NFATC2: variants seen among roughly 807,000 people sequenced by gnomAD.
NFATC2 encodes the protein nuclear factor of activated T cells 2, also known as nuclear factor of activated T-cells, cytoplasmic 2.
A neutral mutation model predicts 87.3 loss-of-function variants in NFATC2; 22 were observed. The observed-to-expected ratio is 0.25, with a 90% CI of 0.18 to 0.36. The LOEUF (loss-of-function observed/expected upper bound fraction) is 0.36. NFATC2 is among the 10% of genes least tolerant of loss of function. The pLI, the probability that NFATC2 is intolerant of heterozygous loss-of-function variation, is 1.00. For synonymous variants in NFATC2, 565 were observed against 542.2 expected, an observed-to-expected ratio of 1.04 and a Z score of -0.58; for missense variants, 1,149 against 1,259.1, an observed-to-expected ratio of 0.91 and a Z score of 1.32.
chr20:51,456,455 G>A (rs1986548394), intron 5 of NFATC2, among the ~76,000 whole-genome samples: 1 of 152,210 alleles, frequency 6.6e-6, no homozygotes, highest in African/African-American at 2.4e-5. Flanking sequence ...TCCAGCTCCA[G>A]CGCCCAATCT....
chr20:51,549,024 T>C (rs1044929957), intron 1 of NFATC2, among the ~76,000 whole-genome samples: 4 of 152,130 alleles, frequency 2.6e-5, no homozygotes, highest in Admixed American at 2.6e-4. Flanking sequence ...CCTGGTACAG[T>C]GGTGCACACC....
intron 5 of NFATC2, among the ~76,000 whole-genome samples, chr20:51,466,528 C>T (rs567363755): frequency 1.3e-5 from 2 of 151,794 alleles, no homozygotes; most frequent in South Asian, 4.2e-4. Context: ...TCAGAAATAG[C>T]TGAATTTCCA....
intron 3 of NFATC2, among the ~76,000 whole-genome samples, chr20:51,488,402 C>A (rs1263778319): frequency 6.6e-6 from 1 of 152,154 alleles, no homozygotes; most frequent in Non-Finnish European, 1.5e-5. Flanking sequence ...ATAAGTCTTT[C>A]TTGTCGGGGG....
intron 3 of NFATC2, among the ~76,000 whole-genome samples, chr20:51,481,715 A>G (rs6123038): frequency 0.87 from 132,869 of 152,036 alleles, 58,139 homozygotes; most frequent in East Asian, 0.94. Context: ...TGGGGGCATC[A>G]TTCTATTAAT....
chr20:51,534,254 AG>A (rs2076683586), intron 1 of NFATC2, among the ~76,000 whole-genome samples: 1 of 44,172 alleles, frequency 2.3e-5, no homozygotes, highest in Non-Finnish European at 4.5e-5. Context: ...AGCGGGGGCC[AG>A]GGGGAGGGGC....
intron 9 of NFATC2, among the ~76,000 whole-genome samples, chr20:51,424,472 A>G (rs1981462696): frequency 6.6e-6 from 1 of 152,206 alleles, no homozygotes; most frequent in South Asian, 2.1e-4. Flanking sequence ...GGTACTGGGC[A>G]AAGAGCTTTA....
At chr20:51,461,513 G>A (rs1987145103) in intron 5 of NFATC2, among the ~76,000 whole-genome samples, 1 of 152,172 alleles carries the variant, frequency 6.6e-6, no homozygotes, top group Non-Finnish European at 1.5e-5. Context: ...GGCTTGGGGG[G>A]GCTCTTGTAT....
At chr20:51,547,383 C>T (rs1192624870), upstream of NFATC2, among the ~76,000 whole-genome samples, 2 of 152,138 alleles carry the variant, frequency 1.3e-5, no homozygotes, top group Non-Finnish European at 2.9e-5. Context: ...TTTGGGTCCA[C>T]CTGGATAGAA....
At position 51,435,277 on chromosome 20, in the gene NFATC2, T is replaced by C. The variant is rs373087406; in HGVS notation, c.1943A>G (p.Lys648Arg). Residue 648 changes from lysine (K) to arginine (R), a missense_variant, in exon 8 of 11, where the codon AAG becomes AGG. Physicochemically the swap from Lys to Arg is conservative, Grantham distance 26. This residue lies in a region of NFATC2 where 581 missense variants were observed against 649.7 expected (regional missense o/e 0.89). Transcript: ENST00000371564. ...LFVEIPEYRN[K>R]HIRTPVKVNF... ...CACTTTTACAGGTGTGCGGATATGCTTGTTCCGATATTCAGGGATCTCAAC... is the reference window on the plus strand; with the variant it reads ...CACTTTTACAGGTGTGCGGATATGCCTGTTCCGATATTCAGGGATCTCAAC... 2.9e-5 allele frequency: 47 copies of C among 1,614,084 alleles called. No homozygotes were observed. The highest frequency in any genetic ancestry group is 3.5e-5 in the Non-Finnish European group (41 of 1,180,048).
intron 10 of NFATC2, among the ~76,000 whole-genome samples, chr20:51,393,299 A>G (rs987111837): frequency 2.0e-5 from 3 of 152,028 alleles, no homozygotes; most frequent in Admixed American, 6.6e-5. Context: ...TCATCTGTAA[A>G]TTGCATCTAA....
At chr20:51,399,495 G>A (rs6096405) in intron 9 of NFATC2, among the ~76,000 whole-genome samples, 5 of 150,938 alleles carry the variant, frequency 3.3e-5, no homozygotes, top group Non-Finnish European at 7.4e-5. Flanking sequence ...AAGTAAACTA[G>A]GATGCTTTTT....
At chr20:51,550,953 C>G (rs1180718525) in intron 1 of NFATC2, among the ~76,000 whole-genome samples, 2 of 152,166 alleles carry the variant, frequency 1.3e-5, no homozygotes, top group East Asian at 1.9e-4. Flanking sequence ...TCATCATGAA[C>G]TCCATGTCCT....
At chr20:51,477,684 C>T (rs1219412077) in intron 3 of NFATC2, among the ~76,000 whole-genome samples, 2 of 150,604 alleles carry the variant, frequency 1.3e-5, no homozygotes, top group South Asian at 4.2e-4. Context: ...TCTTTCTGTG[C>T]CTCTATTCCT....
intron 5 of NFATC2, among the ~76,000 whole-genome samples, chr20:51,470,244 C>T (rs1216770735): frequency 6.6e-6 from 1 of 152,038 alleles, no homozygotes; most frequent in Non-Finnish European, 1.5e-5. Context: ...CATTCAGAGG[C>T]TGGGAGACTG....
intron 3 of NFATC2, among the ~76,000 whole-genome samples, chr20:51,477,576 T>TATATATAA (rs1555803322): frequency 8.1e-4 from 60 of 73,850 alleles, no homozygotes; most frequent in Non-Finnish European, 1.0e-3. Flanking sequence ...TATATATATA[T>TATATATAA]ATATAAAATA....
At position 51,398,959 on chromosome 20, in the gene NFATC2, A is replaced by T. The variant is rs2426296; in HGVS notation, c.2723-229T>A. 3.1e-3 allele frequency: 1,464 copies of T among 477,310 alleles called. 5 individuals are homozygous for T. The highest frequency in any genetic ancestry group is 4.5e-3 in the Non-Finnish European group (1,184 of 264,688). 29.6% of individuals were successfully genotyped at this position (477,310 alleles called of 1,614,324 possible). A position where few individuals can be genotyped will look rare whatever the true frequency, so the allele number is the denominator to read the frequency against. On this transcript the variant is annotated intron_variant, in intron 9 of 10. Transcript: ENST00000371564. Reference sequence around the variant, plus strand: ...GACTCTGTGCAAAGTGCATTACATTATGTGGGGTGTGGGATCAGGGGAGCG... The same window carrying T: ...GACTCTGTGCAAAGTGCATTACATTTTGTGGGGTGTGGGATCAGGGGAGCG...
intron 3 of NFATC2, among the ~76,000 whole-genome samples, chr20:51,490,122 C>A (rs2075857337): frequency 6.6e-6 from 1 of 152,182 alleles, no homozygotes; most frequent in African/African-American, 2.4e-5. Flanking sequence ...TATAATTAAT[C>A]ATAATAACAA....
intron 3 of NFATC2, among the ~76,000 whole-genome samples, chr20:51,483,150 T>G (rs1282418820): frequency 6.6e-6 from 1 of 152,138 alleles, no homozygotes; most frequent in Non-Finnish European, 1.5e-5. Context: ...GGTTCCCAAC[T>G]TTCCCCCATT....
Position 51,526,337 on chromosome 20 carries a change from C to A in NFATC2, c.131-2227G>T, listed in dbSNP as rs530413149. Reference sequence around the variant, plus strand: ...ATTGACACAGGGTGAACAAAGCAAGCTACAGCTTGCTCCTATACTACAACA... The same window carrying A: ...ATTGACACAGGGTGAACAAAGCAAGATACAGCTTGCTCCTATACTACAACA... On this transcript the variant is annotated intron_variant, in intron 1 of 10. Transcript: ENST00000371564. 2.0e-5 allele frequency among the ~76,000 whole-genome samples: 3 copies of A among 152,308 alleles called. No individual in the cohort carries two copies. The South Asian group carries it at 6.2e-4, about 32-fold the overall frequency.
Sources: allele counts gnomAD v4.1 joint callset (sites outside exome capture counted in the v4.1 genomes callset), GRCh38; gene constraint gnomAD v4.1.1; regional missense constraint gnomAD v4.1.1; transcripts MANE v1.5; gene names NCBI Gene and HGNC (gene_info 2026-07-23, HGNC 2026-07-21).